Variants in SORCS2 observed in about 807,000 individuals in gnomAD.
SORCS2 encodes the protein VPS10 domain-containing receptor SorCS2.
SORCS2 carries 100 observed loss-of-function variants against 141.6 expected under a neutral mutation model. That is an observed-to-expected ratio of 0.71 (90% CI 0.60 to 0.83). The LOEUF (loss-of-function observed/expected upper bound fraction) is 0.83. Ranked by LOEUF, SORCS2 falls within the 40% of genes least tolerant of loss-of-function variation. The probability of loss-of-function intolerance (pLI) is 0.00; values close to 1 mark genes in which losing one functional copy is unlikely to be tolerated. For missense variants in SORCS2, 1,646 were observed against 1,560.2 expected (o/e 1.05, Z -0.93); for synonymous variants, 789 against 676.9 (o/e 1.17, Z -2.57).
intron 3 of SORCS2, among the ~76,000 whole-genome samples, chr4:7,636,997 T>C (rs2108860183): frequency 6.6e-6 from 1 of 152,222 alleles, no homozygotes; most frequent in African/African-American, 2.4e-5. Context: ...ATGTGTCCCC[T>C]GTCTCTGCCT....
intron 24 of SORCS2, among the ~76,000 whole-genome samples, 178 bp downstream of exon 24, chr4:7,733,599 G>A (rs934541896): frequency 1.3e-5 from 2 of 152,098 alleles, no homozygotes; most frequent in Admixed American, 6.5e-5. Context: ...CTCCCTCTGC[G>A]GATGCCCCAT....
At chr4:7,322,505 G>T (rs1718961330) in intron 1 of SORCS2, among the ~76,000 whole-genome samples, 1 of 152,148 alleles carries the variant, frequency 6.6e-6, no homozygotes, top group African/African-American at 2.4e-5. Flanking sequence ...CTCTACCAGG[G>T]GCCTGGCAGG....
intron 1 of SORCS2, among the ~76,000 whole-genome samples, chr4:7,386,988 G>T (rs1465004878): frequency 4.1e-5 from 1 of 24,546 alleles, no homozygotes; most frequent in African/African-American, 2.3e-4. Context: ...GCACACACAT[G>T]CCCACCATAC....
At chr4:7,385,570 C>G (rs149654446) in intron 1 of SORCS2, among the ~76,000 whole-genome samples, 1 of 152,304 alleles carries the variant, frequency 6.6e-6, no homozygotes, top group Non-Finnish European at 1.5e-5. Context: ...GAGTGCCACT[C>G]TGCACTCGGG....
intron 1 of SORCS2, among the ~76,000 whole-genome samples, chr4:7,394,879 C>A (rs1724106339): frequency 6.6e-6 from 1 of 152,154 alleles, no homozygotes; most frequent in South Asian, 2.1e-4. Context: ...CTGGATGGGG[C>A]CGGATCAAAC....
chr4:7,664,490 CT>C lies in SORCS2; in HGVS notation c.1071+23del, dbSNP rs756945577. 3.9e-6 allele frequency: 6 copies of C among 1,557,592 alleles called. No homozygotes were observed. Among genetic ancestry groups the C allele is most frequent in the Non-Finnish European group, 4.4e-6 (5 of 1,144,652 alleles). ...CTTTAAGGTAAGGTTGCTTCTGGGGCTTTTGGAAATTGGCAACAGGTGACGT... is the reference window on the plus strand; with the variant it reads ...CTTTAAGGTAAGGTTGCTTCTGGGGCTTTGGAAATTGGCAACAGGTGACGT... On this transcript the variant is annotated intron_variant, in intron 7 of 26. Transcript: ENST00000507866. This position sits in a 1 kb window ranked among gnomAD's most constrained non-coding sequence, Gnocchi z 4.7.
intron 1 of SORCS2, among the ~76,000 whole-genome samples, chr4:7,315,579 C>T (rs1171766255): frequency 6.6e-6 from 1 of 152,174 alleles, no homozygotes; most frequent in Non-Finnish European, 1.5e-5. Flanking sequence ...TGCTGTGGTG[C>T]GCCACCTCTC....
At chr4:7,736,080 C>T (rs554093456) in intron 25 of SORCS2, among the ~76,000 whole-genome samples, 10 of 152,386 alleles carry the variant, frequency 6.6e-5, no homozygotes, top group South Asian at 4.1e-4. Context: ...AGCAGAGCAA[C>T]GCCCGTTTGT....
intron 3 of SORCS2, among the ~76,000 whole-genome samples, chr4:7,616,504 G>A (rs924180977): frequency 6.6e-6 from 1 of 152,030 alleles, no homozygotes; most frequent in African/African-American, 2.4e-5. Context: ...TCCAAGTGGG[G>A]TGGTCATGTG....
chr4:7,580,989 C>A (rs1314131330), intron 3 of SORCS2, among the ~76,000 whole-genome samples: 1 of 151,954 alleles, frequency 6.6e-6, no homozygotes, highest in Non-Finnish European at 1.5e-5. Context: ...AAAATCCTTA[C>A]AACAATCTTA....
chr4:7,634,821 G>A (rs1720139025), intron 3 of SORCS2, among the ~76,000 whole-genome samples: 2 of 152,146 alleles, frequency 1.3e-5, no homozygotes, highest in African/African-American at 2.4e-5. Flanking sequence ...GCTGGCACTC[G>A]GTCTGATGTA....
chr4:7,365,850 C>T (rs2109032097), intron 1 of SORCS2, among the ~76,000 whole-genome samples: 1 of 152,304 alleles, frequency 6.6e-6, no homozygotes, highest in Admixed American at 6.5e-5. Context: ...GTCAGATAAA[C>T]TCACAGCCAC....
At chr4:7,708,514 T>C (rs559466801) in intron 14 of SORCS2, among the ~76,000 whole-genome samples, 2 of 152,246 alleles carry the variant, frequency 1.3e-5, no homozygotes, top group South Asian at 2.1e-4. Context: ...CTCGATGGCA[T>C]GCGATGGTGC....
chr4:7,390,207 T>C (rs888143027), intron 1 of SORCS2, among the ~76,000 whole-genome samples: 5 of 152,218 alleles, frequency 3.3e-5, no homozygotes, highest in Admixed American at 1.3e-4. Context: ...ACTAAGTTCT[T>C]GCAGTCTTTT....
At chr4:7,370,560 T>C (rs568678146) in intron 1 of SORCS2, among the ~76,000 whole-genome samples, 57 of 152,266 alleles carry the variant, frequency 3.7e-4, no homozygotes, top group Non-Finnish European at 7.5e-4. Flanking sequence ...TAATATTTTA[T>C]TGAAAAATTA....
chr4:7,301,224 G>GT (rs1717410574), intron 1 of SORCS2, among the ~76,000 whole-genome samples: 1 of 152,090 alleles, frequency 6.6e-6, no homozygotes, highest in Admixed American at 6.5e-5. Flanking sequence ...TTCTGCCAGG[G>GT]TTTGCTTAGC....
chr4:7,216,137 A>C (rs897734625), intron 1 of SORCS2, among the ~76,000 whole-genome samples: 7 of 152,132 alleles, frequency 4.6e-5, no homozygotes, highest in African/African-American at 1.7e-4. Flanking sequence ...CACGGGGAGG[A>C]ACAAACAACT....
chr4:7,701,132 T>G (rs977216317), intron 12 of SORCS2, among the ~76,000 whole-genome samples: 1 of 151,534 alleles, frequency 6.6e-6, no homozygotes, highest in African/African-American at 2.4e-5. Flanking sequence ...CACCCCTCTG[T>G]GTCATTTGGC....
At chr4:7,434,551 AT>A (rs769252597) in intron 2 of SORCS2, 4 of 1,613,438 alleles carry the variant, frequency 2.5e-6, no homozygotes, top group African/African-American at 2.7e-5. Flanking sequence ...GGCATCCACC[AT>A]CCACTTGCAT....
Sources: allele counts gnomAD v4.1 joint callset (sites outside exome capture counted in the v4.1 genomes callset), GRCh38; gene constraint gnomAD v4.1.1; non-coding constraint Gnocchi (gnomAD v3.1); transcripts MANE v1.5; gene names NCBI Gene and HGNC (gene_info 2026-07-23, HGNC 2026-07-21).